The following AMOT variants were observed in gnomAD, a reference collection of about 807,000 sequenced individuals.
AMOT encodes angiomotin.
A neutral mutation model predicts 67.0 loss-of-function variants in AMOT; 11 were observed. The observed-to-expected ratio is 0.16, with a 90% CI of 0.10 to 0.27. The LOEUF (loss-of-function observed/expected upper bound fraction) is 0.27, where lower values mean the gene tolerates loss of function less well. AMOT is among the 10% of genes least tolerant of loss of function. The pLI is 1.00. For missense variants in AMOT, 753 were observed against 852.0 expected, an observed-to-expected ratio of 0.88 and a Z score of 1.45; for synonymous variants, 326 against 321.4, an observed-to-expected ratio of 1.01 and a Z score of -0.15.
rs151214924 is a variant in AMOT at position 112,811,316 on chromosome X, C to G, written c.1470G>C (p.Glu490Asp). 8 of 1,209,252 alleles carry G rather than the reference C, an allele frequency of 6.6e-6. No individual in the cohort carries two copies. In the African/African-American group the frequency reaches 1.4e-4, roughly 21 times the overall value. ...CCTCTAGCTTGTTTCTCATGGCTTT[C>G]TCTAGGGCCTCTCTTTTGGAGGATG... Reference protein sequence around the residue: ...VKSSSKREALEKAMRNKLEGE... With the variant: ...VKSSSKREALDKAMRNKLEGE... The change falls in exon 6 of 14, where the codon GAG becomes GAC. Residue 490 changes from glutamate (E) to aspartate (D), a missense_variant. By Grantham distance (45) the Glu-to-Asp change is conservative (BLOSUM62 2). Coordinates refer to ENST00000371959, the MANE Select transcript of AMOT (RefSeq NM_001113490.2).
At chrX:112,808,911 A>T (rs1238955769) in intron 7 of AMOT, among the ~76,000 whole-genome samples, 1 of 112,248 alleles carries the variant, frequency 8.9e-6, no homozygotes, top group African/African-American at 3.2e-5. Context: ...GAAAAAGAAA[A>T]AACCTGTTCT....
At chrX:112,804,781 G>A (rs1042335440) in intron 8 of AMOT, among the ~76,000 whole-genome samples, 166 bp downstream of exon 8, 30 of 111,721 alleles carry the variant, frequency 2.7e-4, no homozygotes, top group Non-Finnish European at 1.5e-4. Flanking sequence ...GAAGAGAAAA[G>A]AAAGCAAAGT....
At chrX:112,809,155 G>C (rs765475175) in intron 7 of AMOT, among the ~76,000 whole-genome samples, 6 of 111,137 alleles carry the variant, frequency 5.4e-5, no homozygotes, top group Non-Finnish European at 9.4e-5. Context: ...GCAGAAATGA[G>C]AGCAGTTCAT....
Position 112,815,566 on chromosome X carries a change from T to C in AMOT, c.1184A>G (p.Gln395Arg). The change falls in exon 5 of 14, where the codon CAG becomes CGG. Residue 395 changes from glutamine to arginine, a missense_variant. Around this residue, in one of 5 missense-constraint regions of AMOT, gnomAD observed 297 missense variants for 284.3 expected, o/e 1.04. Transcript: ENST00000371959. Reference protein sequence around the residue: ...HHHHHHHQQQQQQQPQQQPGE... With the variant: ...HHHHHHHQQQRQQQPQQQPGE... ...TGGCTGCTGCTGTGGCTGCTGCTGC[T>C]GCTGTTGTTGGTGGTGATGGTGATG... 3 of 1,211,080 alleles carry C rather than the reference T, an allele frequency of 2.5e-6. No homozygotes were observed. The highest frequency in any genetic ancestry group is 3.4e-6 in the Non-Finnish European group (3 of 895,104).
intron 8 of AMOT, among the ~76,000 whole-genome samples, chrX:112,803,580 A>G (rs1934080307): frequency 8.9e-6 from 1 of 112,285 alleles, no homozygotes; most frequent in Non-Finnish European, 1.9e-5. Context: ...TTGATATTCT[A>G]GCAAGTCAGG....
chrX:112,831,192 G>T (rs1460078267), intron 2 of AMOT, among the ~76,000 whole-genome samples: 1 of 109,985 alleles, frequency 9.1e-6, no homozygotes, highest in Non-Finnish European at 1.9e-5. Context: ...GATGCCCCTG[G>T]TTTAACAACA....
chrX:112,837,168 T>C (rs1031285862), intron 1 of AMOT, among the ~76,000 whole-genome samples: 1 of 112,325 alleles, frequency 8.9e-6, no homozygotes, highest in Non-Finnish European at 1.9e-5. Context: ...CAAAAAGTAA[T>C]ACTAGCTTTC....
Position 112,775,381 on chromosome X carries a change from G to C in AMOT, c.*3186C>G, listed in dbSNP as rs945577748. 1 of 112,776 alleles carries C rather than the reference G, an allele frequency of 8.9e-6. No homozygotes were observed. The highest frequency in any genetic ancestry group is 1.9e-5 in the Non-Finnish European group (1 of 53,323). 9.3% of individuals were successfully genotyped at this position (112,776 alleles called of 1,213,427 possible). A position where few individuals can be genotyped will look rare whatever the true frequency, so the allele number is the denominator to read the frequency against. Reference sequence around the variant, plus strand: ...AGATATGAGAATATAATTGATCAAAGTTAGTGCATATGTATACACTTTAAG... The same window carrying C: ...AGATATGAGAATATAATTGATCAAACTTAGTGCATATGTATACACTTTAAG... On this transcript the variant is annotated 3_prime_UTR_variant, in exon 14 of 14. Coordinates refer to ENST00000371959, the MANE Select transcript of AMOT (RefSeq NM_001113490.2).
chrX:112,804,906 C>A, intron 8 of AMOT, 41 bp downstream of exon 8: 10 of 1,048,031 alleles, frequency 9.5e-6, no homozygotes, highest in East Asian at 3.4e-5. Flanking sequence ...TTTCCCAGCC[C>A]TCCCACCCCC....
In AMOT at chrX:112,776,401, C is replaced by T. The variant is rs1210123937; in HGVS notation, c.*2166G>A. ...TTTGAGTGTTTTTTTCTCCTTATGACTAAAGGGTAGTATGAAAGAGTCTTA... is the reference window on the plus strand; with the variant it reads ...TTTGAGTGTTTTTTTCTCCTTATGATTAAAGGGTAGTATGAAAGAGTCTTA... On this transcript the variant is annotated 3_prime_UTR_variant, in exon 14 of 14. Coordinates refer to ENST00000371959, the MANE Select transcript of AMOT (RefSeq NM_001113490.2). 1 of 112,079 alleles carries T rather than the reference C, an allele frequency of 8.9e-6. No individual in the cohort carries two copies. Among genetic ancestry groups the T allele is most frequent in the Admixed American group, 9.5e-5 (1 of 10,562 alleles). The allele number at this position is 112,079 out of a possible 1,213,427, so 9.2% of individuals were successfully genotyped here.
At chrX:112,823,551 C>T (rs1462756119) in intron 3 of AMOT, among the ~76,000 whole-genome samples, 1 of 111,430 alleles carries the variant, frequency 9.0e-6, no homozygotes, top group Non-Finnish European at 1.9e-5. Flanking sequence ...AAGCAAAAAC[C>T]CAAATCTTAT....
intron 8 of AMOT, among the ~76,000 whole-genome samples, chrX:112,801,259 G>A (rs1312251234): frequency 9.0e-6 from 1 of 111,204 alleles, no homozygotes; most frequent in Non-Finnish European, 1.9e-5. Context: ...GGAGAATACC[G>A]TGGTTGCTGT....
chrX:112,821,180 C>G, intron 4 of AMOT, among the ~76,000 whole-genome samples: 1 of 111,343 alleles, frequency 9.0e-6, no homozygotes, highest in Non-Finnish European at 1.9e-5. Flanking sequence ...AAGTAGGGTA[C>G]AGGAGACAAA....
intron 10 of AMOT, among the ~76,000 whole-genome samples, chrX:112,784,410 A>G (rs1201418439): frequency 2.7e-5 from 3 of 112,547 alleles, no homozygotes; most frequent in African/African-American, 9.7e-5. Context: ...AAAATTATGC[A>G]TGTAAAAACA....
Position 112,804,932 on chromosome X carries a change from C to G in AMOT, c.1776+15G>C. The G allele has an allele frequency of 8.7e-7, 1 of 1,143,350 alleles. No individual in the cohort carries two copies. 94.2% of individuals were successfully genotyped at this position (1,143,350 alleles called of 1,213,427 possible). ...TCCCACCCCCAGGCTCATATGCTAC[C>G]TGAGGAAACCATACCTCTTCTTCCA... On this transcript the variant is annotated intron_variant, in intron 8 of 13. Transcript: ENST00000371959.
At chrX:112,803,953 T>C (rs1230448129) in intron 8 of AMOT, among the ~76,000 whole-genome samples, 1 of 111,801 alleles carries the variant, frequency 8.9e-6, no homozygotes, top group Non-Finnish European at 1.9e-5. Flanking sequence ...CACTCTAGCA[T>C]CAATTTTTGC....
chrX:112,814,171 C>T (rs1934462207), intron 5 of AMOT, among the ~76,000 whole-genome samples: 1 of 109,720 alleles, frequency 9.1e-6, no homozygotes, highest in Non-Finnish European at 1.9e-5. Flanking sequence ...ACTCAGGAGG[C>T]TGAGGCAGGA....
At chrX:112,834,946 C>T (rs1420396138) in intron 1 of AMOT, among the ~76,000 whole-genome samples, 3 of 111,789 alleles carry the variant, frequency 2.7e-5, no homozygotes, top group South Asian at 7.5e-4. Context: ...TCCAAAAAGC[C>T]GAGAGGGCCA....
rs777573464 is a variant in AMOT at position 112,788,268 on chromosome X, A to G, written c.2117+2324T>C. Among the ~76,000 whole-genome samples, 80 of 107,816 alleles carry G rather than the reference A, an allele frequency of 7.4e-4. 1 individual carries two copies. Among genetic ancestry groups the G allele is most frequent in the African/African-American group, 1.7e-3 (51 of 29,552 alleles). 93.6% of individuals were successfully genotyped at this position (107,816 alleles called of 115,157 possible). A position where few individuals can be genotyped will look rare whatever the true frequency, so the allele number is the denominator to read the frequency against. ...AGCACCACTGCACTCCAGCCTGGGCAACAGAGCGAGACTCCTTCTCAAAAA... is the reference window on the plus strand; with the variant it reads ...AGCACCACTGCACTCCAGCCTGGGCGACAGAGCGAGACTCCTTCTCAAAAA... On this transcript the variant is annotated intron_variant, in intron 10 of 13. Transcript: ENST00000371959.
Sources: gnomAD v4.1 joint callset for allele counts (sites outside exome capture counted in the v4.1 genomes callset) on GRCh38, gnomAD v4.1.1 for gene constraint, gnomAD v4.1.1 regional missense constraint, MANE v1.5 for transcripts, NCBI Gene and HGNC (gene_info 2026-07-23, HGNC 2026-07-21) for gene names.